Variants in UNC5D observed in about 807,000 individuals in gnomAD.
UNC5D encodes the protein netrin receptor UNC5D.
UNC5D carries 39 observed loss-of-function variants against 105.4 expected under a neutral mutation model. That is an observed-to-expected ratio of 0.37 (90% CI 0.29 to 0.48). UNC5D has a LOEUF of 0.48. Among genes scored for constraint, UNC5D ranks in the 20% least tolerant of loss-of-function variants. The pLI is 0.98. For synonymous variants in UNC5D, 452 were observed against 450.4 expected (o/e 1.00, Z -0.04); for missense variants, 991 against 1,202.4 (o/e 0.82, Z 2.60).
intron 8 of UNC5D, among the ~76,000 whole-genome samples, chr8:35,712,117 A>G (rs1211715657): frequency 1.3e-5 from 2 of 152,170 alleles, no homozygotes; most frequent in African/African-American, 4.8e-5. Context: ...CTAAAAATAC[A>G]AAAATTAGCC....
At chr8:35,509,183 A>G (rs1812526898) in intron 1 of UNC5D, among the ~76,000 whole-genome samples, 1 of 152,010 alleles carries the variant, frequency 6.6e-6, no homozygotes, top group Non-Finnish European at 1.5e-5. Context: ...AATTGTGTAG[A>G]CACGGAGAAA....
intron 7 of UNC5D, among the ~76,000 whole-genome samples, chr8:35,700,360 A>G (rs572354995): frequency 3.0e-4 from 46 of 152,260 alleles, no homozygotes; most frequent in African/African-American, 1.0e-3. Context: ...TCACACAAAT[A>G]AGCATTTAAA....
intron 16 of UNC5D, 114 bp from the exon 17 acceptor site, chr8:35,790,245 C>G (rs1000843301): frequency 2.6e-6 from 3 of 1,135,874 alleles, no homozygotes; most frequent in East Asian, 5.1e-5. Flanking sequence ...GCTTTTTATC[C>G]CTACTATAAT....
At chr8:35,680,380 A>G (rs1825577725) in intron 4 of UNC5D, among the ~76,000 whole-genome samples, 1 of 152,074 alleles carries the variant, frequency 6.6e-6, no homozygotes, top group Non-Finnish European at 1.5e-5. Context: ...GTGCTACATA[A>G]TATTTATTCA....
intron 1 of UNC5D, among the ~76,000 whole-genome samples, chr8:35,268,363 T>C (rs1805037661): frequency 6.6e-6 from 1 of 152,170 alleles, no homozygotes; most frequent in African/African-American, 2.4e-5. Context: ...AATGTAGTTC[T>C]TTTGGTCTCA....
chr8:35,277,668 C>A (rs1301543172), intron 1 of UNC5D, among the ~76,000 whole-genome samples: 19 of 152,158 alleles, frequency 1.2e-4, no homozygotes, highest in Admixed American at 1.2e-3. Flanking sequence ...ATTTTTCCTG[C>A]TCTTGACTGT....
chr8:35,520,367 G>C (rs1396181685), intron 1 of UNC5D, among the ~76,000 whole-genome samples: 1 of 152,092 alleles, frequency 6.6e-6, no homozygotes, highest in Non-Finnish European at 1.5e-5. Flanking sequence ...CAAATCCATA[G>C]AGACAGAAAA....
intron 4 of UNC5D, among the ~76,000 whole-genome samples, chr8:35,601,685 TAAG>T (rs1419426946): frequency 6.6e-6 from 1 of 152,218 alleles, no homozygotes. Flanking sequence ...CTTATCAGCT[TAAG>T]GAGATTTTGG....
At chr8:35,318,260 G>A (rs1434132927) in intron 1 of UNC5D, among the ~76,000 whole-genome samples, 1 of 151,974 alleles carries the variant, frequency 6.6e-6, no homozygotes, top group African/African-American at 2.4e-5. Flanking sequence ...TGATATATAA[G>A]GGCAGTTGTC....
At chr8:35,334,494 T>C (rs924646791) in intron 1 of UNC5D, among the ~76,000 whole-genome samples, 29 of 151,436 alleles carry the variant, frequency 1.9e-4, no homozygotes, top group African/African-American at 7.1e-4. Flanking sequence ...TTTGGTATAA[T>C]TAACATACAA....
chr8:35,263,736 C>A (rs989966485), intron 1 of UNC5D, among the ~76,000 whole-genome samples: 10 of 152,126 alleles, frequency 6.6e-5, no homozygotes, highest in Non-Finnish European at 1.5e-4. Context: ...AATGACCTGA[C>A]CTTAGGAATT....
At chr8:35,271,209 A>C (rs995618380) in intron 1 of UNC5D, among the ~76,000 whole-genome samples, 3 of 148,434 alleles carry the variant, frequency 2.0e-5, no homozygotes, top group African/African-American at 7.3e-5. Context: ...TTAAATATAA[A>C]TCTAAAAAAG....
At position 35,657,756 on chromosome 8, in the gene UNC5D, G is replaced by A. The variant is rs1260740823; in HGVS notation, c.571-25791G>A. Among the ~76,000 whole-genome samples the A allele has an allele frequency of 2.6e-5, 4 of 152,188 alleles. No individual in the cohort carries two copies. The East Asian group carries it at 5.8e-4, about 22-fold the overall frequency. On this transcript the variant is annotated intron_variant, in intron 4 of 16. Coordinates refer to ENST00000404895, the MANE Select transcript of UNC5D (RefSeq NM_080872.4). The stretch of plus-strand genomic sequence containing the variant: ...CTACATTGGACTCCCAAAGTGCTGG[G>A]ACTGTAGGCATGAGTCACCATGCCT...
intron 1 of UNC5D, chr8:35,525,056 C>T: frequency 3.5e-6 from 3 of 861,858 alleles, no homozygotes; most frequent in Non-Finnish European, 5.4e-6. Context: ...GAAATGCTGA[C>T]CCTTTGTTAA....
intron 1 of UNC5D, among the ~76,000 whole-genome samples, chr8:35,413,490 G>T (rs1805333540): frequency 6.7e-6 from 1 of 149,226 alleles, no homozygotes. Context: ...GCGGCATTCT[G>T]CATGTAAAAA....
intron 4 of UNC5D, among the ~76,000 whole-genome samples, chr8:35,667,565 G>A (rs1451373418): frequency 6.6e-6 from 1 of 152,172 alleles, no homozygotes; most frequent in Non-Finnish European, 1.5e-5. Context: ...CAGAGAGCCA[G>A]AAATATTTGA....
chr8:35,537,688 ATAAG>A (rs936707621), intron 1 of UNC5D, among the ~76,000 whole-genome samples: 1 of 150,960 alleles, frequency 6.6e-6, no homozygotes, highest in Non-Finnish European at 1.5e-5. Flanking sequence ...AATAAATAAA[ATAAG>A]TAAATAAATA....
At chr8:35,515,359 A>G (rs953295793) in intron 1 of UNC5D, among the ~76,000 whole-genome samples, 1 of 152,180 alleles carries the variant, frequency 6.6e-6, no homozygotes, top group Non-Finnish European at 1.5e-5. Context: ...TTATTTAGGT[A>G]TATAGACAGC....
intron 16 of UNC5D, among the ~76,000 whole-genome samples, chr8:35,787,374 CA>C (rs1449178934): frequency 2.0e-5 from 3 of 152,070 alleles, no homozygotes; most frequent in Non-Finnish European, 4.4e-5. Flanking sequence ...ATGCTAGAAA[CA>C]AAAGAATGTC....
Sources: gnomAD v4.1 joint callset for allele counts (sites outside exome capture counted in the v4.1 genomes callset) on GRCh38, gnomAD v4.1.1 for gene constraint, MANE v1.5 for transcripts, NCBI Gene and HGNC (gene_info 2026-07-23, HGNC 2026-07-21) for gene names.